Variants in KCNJ6 observed in about 807,000 individuals in gnomAD.
KCNJ6 encodes the protein G protein-activated inward rectifier potassium channel 2.
KCNJ6 carries 9 observed loss-of-function variants against 34.2 expected under a neutral mutation model. The ratio of observed to expected loss-of-function variants is 0.26; its 90% CI spans 0.16 to 0.46. KCNJ6 has a LOEUF of 0.46. Ranked by LOEUF, KCNJ6 falls within the 20% of genes least tolerant of loss-of-function variation. The pLI is 1.00. For synonymous variants in KCNJ6, 196 were observed against 207.1 expected (o/e 0.95, Z 0.46); for missense variants, 236 against 531.3 (o/e 0.44, Z 5.46).
chr21:37,780,965 C>T (rs544527651), intron 2 of KCNJ6, among the ~76,000 whole-genome samples: 6 of 152,254 alleles, frequency 3.9e-5, no homozygotes, highest in South Asian at 4.1e-4. Context: ...ACAAACATGG[C>T]CTATTTGCCT....
chr21:37,879,368 C>T (rs1274866347), intron 1 of KCNJ6, among the ~76,000 whole-genome samples: 1 of 152,182 alleles, frequency 6.6e-6, no homozygotes, highest in African/African-American at 2.4e-5. Flanking sequence ...TATGCTCCCA[C>T]TGGATTCCTA....
chr21:37,840,757 A>G, intron 1 of KCNJ6, 48 bp from the exon 2 acceptor site: 1 of 1,053,092 alleles, frequency 9.5e-7, no homozygotes, highest in Non-Finnish European at 1.5e-6. Context: ...TGTCTTAGAT[A>G]TGAATTGATC....
chr21:37,776,720 C>T (rs532798861), intron 2 of KCNJ6, among the ~76,000 whole-genome samples: 12 of 152,226 alleles, frequency 7.9e-5, no homozygotes, highest in African/African-American at 2.9e-4. Context: ...GGTGGATAAG[C>T]TTTTTGATGT....
At chr21:37,859,526 T>C (rs1275748697) in intron 1 of KCNJ6, among the ~76,000 whole-genome samples, 3 of 85,134 alleles carry the variant, frequency 3.5e-5, no homozygotes, top group African/African-American at 1.6e-4. Flanking sequence ...TATATATATA[T>C]ATATAAAATA....
At chr21:37,812,262 G>T (rs1341452145) in intron 2 of KCNJ6, among the ~76,000 whole-genome samples, 3 of 152,144 alleles carry the variant, frequency 2.0e-5, no homozygotes, top group Admixed American at 1.3e-4. Flanking sequence ...AGTGATTCAG[G>T]GGAGTCCCAC....
Position 37,614,712 on chromosome 21 carries a change from GTGCA to G in KCNJ6, c.*10443_*10446del, listed in dbSNP as rs2054258788. 6.6e-6 allele frequency: 1 copy of G among 151,204 alleles called. No individual in the cohort carries two copies. Among genetic ancestry groups the G allele is most frequent in the Non-Finnish European group, 1.5e-5 (1 of 67,932 alleles). The allele number at this position is 151,204 out of a possible 1,614,324, so 9.4% of individuals were successfully genotyped here. On this transcript the variant is annotated 3_prime_UTR_variant, in exon 4 of 4. Coordinates refer to ENST00000609713, the MANE Select transcript of KCNJ6 (RefSeq NM_002240.5). ...TGCATGTCTTGGTGTGTGTATGCAT[GTGCA>G]TGTATGCGTGTGTGTGTATGCGCAT...
chr21:37,647,599 T>TC (rs962292620), intron 3 of KCNJ6, among the ~76,000 whole-genome samples: 62 of 151,746 alleles, frequency 4.1e-4, no homozygotes, highest in Admixed American at 2.0e-3. Flanking sequence ...CTCACCTTAA[T>TC]CCCCCCCAGA....
intron 1 of KCNJ6, among the ~76,000 whole-genome samples, chr21:37,915,251 G>GT (rs2055887756): frequency 6.6e-6 from 1 of 152,146 alleles, no homozygotes; most frequent in Admixed American, 6.5e-5. Context: ...TATCTAAAGT[G>GT]TTTTTTCTTC....
intron 3 of KCNJ6, among the ~76,000 whole-genome samples, chr21:37,659,597 G>A (rs1399342622): frequency 1.3e-5 from 2 of 152,228 alleles, no homozygotes; most frequent in Non-Finnish European, 2.9e-5. Flanking sequence ...CAGGCTGCTG[G>A]CTCCAGCCAC....
chr21:37,754,539 C>T (rs367744028), intron 2 of KCNJ6, among the ~76,000 whole-genome samples: 1 of 152,142 alleles, frequency 6.6e-6, no homozygotes, highest in Non-Finnish European at 1.5e-5. Flanking sequence ...AAAGAAGAAA[C>T]GTACTGTGTC....
At chr21:37,855,704 T>C (rs994335022) in intron 1 of KCNJ6, among the ~76,000 whole-genome samples, 20 of 152,234 alleles carry the variant, frequency 1.3e-4, no homozygotes, top group Non-Finnish European at 2.8e-4. Flanking sequence ...TCATGTCCTT[T>C]GTTTATATCA....
chr21:37,800,686 A>T (rs578000832), intron 2 of KCNJ6, among the ~76,000 whole-genome samples: 1 of 152,316 alleles, frequency 6.6e-6, no homozygotes, highest in Admixed American at 6.5e-5. Context: ...TAAGCATATC[A>T]TTCTCTCTGA....
chr21:37,717,554 T>C (rs1038873027), intron 2 of KCNJ6, among the ~76,000 whole-genome samples: 1 of 152,156 alleles, frequency 6.6e-6, no homozygotes, highest in African/African-American at 2.4e-5. Context: ...GTTCTTGTCC[T>C]TGAATGGTCA....
rs188080136 is a variant in KCNJ6, at chr21:37,803,184, C to T, written c.25+37474G>A. The stretch of plus-strand genomic sequence containing the variant: ...AGGGCTGGTTGGAAGAACAGGAATG[C>T]GGTGGGGAGCAAAACACCCACCCAT... On this transcript the variant is annotated intron_variant, in intron 2 of 3. Transcript: ENST00000609713. Among the ~76,000 whole-genome samples, 413 of 152,268 alleles carry T rather than the reference C, an allele frequency of 2.7e-3. 5 individuals carry two copies. Among genetic ancestry groups the T allele is most frequent in the African/African-American group, 9.3e-3 (388 of 41,554 alleles).
Position 37,867,044 on chromosome 21 carries a change from C to T in KCNJ6, c.-27-26335G>A, listed in dbSNP as rs538600340. Among the ~76,000 whole-genome samples, 58 of 152,292 alleles carry T rather than the reference C, an allele frequency of 3.8e-4. No individual in the cohort carries two copies. In the South Asian group the frequency reaches 0.012, roughly 32 times the overall value. On this transcript the variant is annotated intron_variant, in intron 1 of 3. Transcript: ENST00000609713. The stretch of plus-strand genomic sequence containing the variant: ...AAATAAATTCTGTTAGGTGGATGCT[C>T]AAATAATATCCCTTCTCATAGAAAA...
intron 1 of KCNJ6, among the ~76,000 whole-genome samples, chr21:37,841,029 A>T (rs1030208754): frequency 2.0e-5 from 3 of 151,244 alleles, no homozygotes; most frequent in Non-Finnish European, 4.4e-5. Context: ...CCATATGCCA[A>T]TTTTTTTTTC....
At chr21:37,871,501 C>T (rs2055652237) in intron 1 of KCNJ6, among the ~76,000 whole-genome samples, 1 of 152,222 alleles carries the variant, frequency 6.6e-6, no homozygotes, top group Non-Finnish European at 1.5e-5. Flanking sequence ...AGGGCAGAGG[C>T]CAGCTCTACC....
chr21:37,759,429 TAC>T (rs1301228807), intron 2 of KCNJ6, among the ~76,000 whole-genome samples: 2 of 152,178 alleles, frequency 1.3e-5, no homozygotes, highest in African/African-American at 4.8e-5. Context: ...CCATCCCTGT[TAC>T]AGCAGCACCT....
chr21:37,847,290 G>A (rs186881035), intron 1 of KCNJ6, among the ~76,000 whole-genome samples: 6 of 152,264 alleles, frequency 3.9e-5, no homozygotes, highest in Non-Finnish European at 8.8e-5. Context: ...TCTCTACTTT[G>A]AGGATGGGGA....
Sources: gnomAD v4.1 joint callset for allele counts (sites outside exome capture counted in the v4.1 genomes callset) on GRCh38, gnomAD v4.1.1 for gene constraint, MANE v1.5 for transcripts, NCBI Gene and HGNC (gene_info 2026-07-23, HGNC 2026-07-21) for gene names.